The following SLC9A9 variants were observed in gnomAD, a reference collection of about 807,000 sequenced individuals.
SLC9A9 encodes the protein solute carrier family 9 member A9.
SLC9A9 carries 62 observed loss-of-function variants against 77.8 expected under a neutral mutation model. The ratio of observed to expected loss-of-function variants is 0.80; its 90% CI spans 0.65 to 0.98. The LOEUF (loss-of-function observed/expected upper bound fraction) is 0.98. Ranked by LOEUF, SLC9A9 falls within the 50% of genes least tolerant of loss-of-function variation. The pLI, the probability that SLC9A9 is intolerant of heterozygous loss-of-function variation, is 0.00. For synonymous variants in SLC9A9, 320 were observed against 283.5 expected (o/e 1.13, Z -1.29); for missense variants, 775 against 774.9 (o/e 1.00, Z 0.00).
chr3:143,747,392 G>A lies in SLC9A9; in HGVS notation c.533+47609C>T, dbSNP rs12635371. 5.8e-4 allele frequency among the ~76,000 whole-genome samples: 63 copies of A among 109,434 alleles called. No homozygotes were observed. The East Asian group carries it at 0.017, about 29-fold the overall frequency. The allele number at this position is 109,434 out of a possible 152,430, so 71.8% of individuals were successfully genotyped here. On this transcript the variant is annotated intron_variant, in intron 4 of 15. Coordinates refer to ENST00000316549, the MANE Select transcript of SLC9A9 (RefSeq NM_173653.4). ...GCCCCCCAGCCTGGGCAACAAGAGT[G>A]AAACTCCATCTCAAAAAAAAAAAAA...
intron 8 of SLC9A9, among the ~76,000 whole-genome samples, chr3:143,553,407 T>C (rs1332323640): frequency 6.6e-6 from 1 of 152,186 alleles, no homozygotes; most frequent in Non-Finnish European, 1.5e-5. Context: ...AAATGCAAGA[T>C]ATAAGTATTC....
intron 8 of SLC9A9, among the ~76,000 whole-genome samples, chr3:143,556,743 T>C (rs1180623686): frequency 6.6e-6 from 1 of 152,224 alleles, no homozygotes; most frequent in East Asian, 1.9e-4. Flanking sequence ...AATAGCCAGA[T>C]CGTTTTCTTT....
intron 11 of SLC9A9, among the ~76,000 whole-genome samples, chr3:143,477,325 C>T (rs797006297): frequency 8.1e-6 from 1 of 123,826 alleles, no homozygotes; most frequent in Admixed American, 8.3e-5. Context: ...TGAAGGGCTT[C>T]TTCAATTTTT....
At chr3:143,297,388 ATTTG>A (rs2030316820) in intron 14 of SLC9A9, among the ~76,000 whole-genome samples, 6 of 152,150 alleles carry the variant, frequency 3.9e-5, no homozygotes, top group Admixed American at 3.9e-4. Flanking sequence ...ATTTTGGTCC[ATTTG>A]TTTGTCTATT....
chr3:143,439,222 C>T (rs551540744), intron 12 of SLC9A9, among the ~76,000 whole-genome samples: 4 of 152,302 alleles, frequency 2.6e-5, no homozygotes, highest in African/African-American at 7.2e-5. Flanking sequence ...GCAGTAGGTG[C>T]TATTGCCCTC....
At position 143,352,325 on chromosome 3, in the gene SLC9A9, A is replaced by G. The variant is rs374948098; in HGVS notation, c.1604+11159T>C. On this transcript the variant is annotated intron_variant, in intron 14 of 15. Transcript: ENST00000316549. ...TGTTTGAGGTATTAAACACATGTTA[A>G]AGGATTAAGGAAAGATTTGCTTAGC... is the stretch of plus-strand genomic sequence containing the variant. Among the ~76,000 whole-genome samples the G allele has an allele frequency of 4.1e-4, 62 of 152,344 alleles. No individual in the cohort carries two copies. The South Asian group carries it at 0.012, about 30-fold the overall frequency.
intron 12 of SLC9A9, among the ~76,000 whole-genome samples, chr3:143,447,190 G>T (rs1259033753): frequency 6.6e-6 from 1 of 152,144 alleles, no homozygotes; most frequent in Non-Finnish European, 1.5e-5. Flanking sequence ...AACCCAATGA[G>T]AAATTAATTG....
At chr3:143,742,472 C>A (rs1935096215) in intron 4 of SLC9A9, among the ~76,000 whole-genome samples, 1 of 152,184 alleles carries the variant, frequency 6.6e-6, no homozygotes, top group Non-Finnish European at 1.5e-5. Flanking sequence ...ACCATAACCC[C>A]AGTCTAATCA....
intron 10 of SLC9A9, 36 bp downstream of exon 10, chr3:143,495,299 C>T: frequency 1.3e-6 from 2 of 1,506,944 alleles, no homozygotes; most frequent in Non-Finnish European, 1.8e-6. Flanking sequence ...TCGTTATCTT[C>T]TCTAATCACC....
intron 9 of SLC9A9, among the ~76,000 whole-genome samples, chr3:143,496,895 C>T (rs1174906696): frequency 6.6e-6 from 1 of 152,136 alleles, no homozygotes; most frequent in East Asian, 1.9e-4. Flanking sequence ...AATCAAGGTG[C>T]CAGCTGATTT....
chr3:143,802,972 G>C (rs189637204), intron 2 of SLC9A9, among the ~76,000 whole-genome samples: 1 of 152,030 alleles, frequency 6.6e-6, no homozygotes, highest in East Asian at 1.9e-4. Context: ...CAGGAAATTC[G>C]CCAGGCTGCT....
intron 5 of SLC9A9, among the ~76,000 whole-genome samples, chr3:143,655,908 T>C (rs1335805891): frequency 6.6e-6 from 1 of 152,190 alleles, no homozygotes; most frequent in Non-Finnish European, 1.5e-5. Context: ...GAAAAAGCCA[T>C]AACTTATGAG....
chr3:143,429,632 G>T (rs533428204), intron 12 of SLC9A9, among the ~76,000 whole-genome samples: 1 of 152,296 alleles, frequency 6.6e-6, no homozygotes, highest in East Asian at 1.9e-4. Flanking sequence ...ATACCAAGAG[G>T]CAGCTTCTCT....
In SLC9A9 at chr3:143,493,794, A is replaced by G. The variant is rs778331615; in HGVS notation, c.1204-30T>C. On this transcript the variant is annotated intron_variant, in intron 10 of 15. Coordinates refer to ENST00000316549, the MANE Select transcript of SLC9A9 (RefSeq NM_173653.4). ...AGATAAGCACAGGGAAACATTGAGGAAAGTGTTGCTGCAATGATGGTTTGA... is the reference window on the plus strand; with the variant it reads ...AGATAAGCACAGGGAAACATTGAGGGAAGTGTTGCTGCAATGATGGTTTGA... 23 of 1,487,142 alleles carry G rather than the reference A, an allele frequency of 1.5e-5. No homozygotes were observed. In the South Asian group the frequency reaches 1.8e-4, roughly 12 times the overall value. The allele number at this position is 1,487,142 out of a possible 1,614,324, so 92.1% of individuals were successfully genotyped here. A position where few individuals can be genotyped will look rare whatever the true frequency, so the allele number is the denominator to read the frequency against.
chr3:143,469,532 G>A (rs1414885114), intron 11 of SLC9A9, among the ~76,000 whole-genome samples: 2 of 152,114 alleles, frequency 1.3e-5, no homozygotes, highest in African/African-American at 4.8e-5. Context: ...GTACATTAAA[G>A]GAATTTTAAA....
chr3:143,789,102 G>A (rs569476187), intron 4 of SLC9A9, among the ~76,000 whole-genome samples: 1 of 152,256 alleles, frequency 6.6e-6, no homozygotes, highest in African/African-American at 2.4e-5. Context: ...CCACTGTTAG[G>A]TATAGATACA....
chr3:143,298,181 A>G (rs1402610468), intron 14 of SLC9A9, among the ~76,000 whole-genome samples: 1 of 152,178 alleles, frequency 6.6e-6, no homozygotes, highest in Admixed American at 6.5e-5. Context: ...CCCCACGTTG[A>G]TGTTCAGGTT....
chr3:143,845,079 C>T (rs957200684), intron 1 of SLC9A9, among the ~76,000 whole-genome samples: 9 of 152,026 alleles, frequency 5.9e-5, no homozygotes, highest in Non-Finnish European at 1.2e-4. Flanking sequence ...CCCACAGACA[C>T]ATCCTTTCTC....
intron 8 of SLC9A9, among the ~76,000 whole-genome samples, chr3:143,571,127 G>A (rs567561739): frequency 2.4e-4 from 37 of 152,260 alleles, no homozygotes; most frequent in Middle Eastern, 6.8e-3. Flanking sequence ...ACTTTGAAAG[G>A]TCAGGGCCTG....
Sources: gnomAD v4.1 joint callset for allele counts (sites outside exome capture counted in the v4.1 genomes callset) on GRCh38, gnomAD v4.1.1 for gene constraint, MANE v1.5 for transcripts, NCBI Gene and HGNC (gene_info 2026-07-23, HGNC 2026-07-21) for gene names.